The following IPCEF1 variants were observed in gnomAD, a reference collection of about 807,000 sequenced individuals.
IPCEF1 encodes interactor protein for cytohesin exchange factors 1.
Under a neutral mutation model 50.9 loss-of-function variants are expected in IPCEF1, and 31 were observed. The observed-to-expected ratio is 0.61, with a 90% confidence interval of 0.46 to 0.82. The LOEUF is 0.82. IPCEF1 is among the 40% of genes least tolerant of loss of function. The probability of loss-of-function intolerance (pLI) is 0.00; values close to 1 mark genes in which losing one functional copy is unlikely to be tolerated. For synonymous variants in IPCEF1, 181 were observed against 192.0 expected (o/e 0.94, Z 0.47); for missense variants, 458 against 514.0 (o/e 0.89, Z 1.05).
At chr6:154,281,201 A>G (rs1782201913) in intron 2 of IPCEF1, among the ~76,000 whole-genome samples, 1 of 144,938 alleles carries the variant, frequency 6.9e-6, no homozygotes, top group African/African-American at 2.8e-5. Flanking sequence ...AAAAAAAAAA[A>G]AAAAAGCCAG....
Position 154,167,914 on chromosome 6 carries a change from T to G in IPCEF1, c.1104+6A>C, listed in dbSNP as rs1799568129. ...AGAGTTCATCCACAATTTGAAATTT[T>G]GTTACCTTTAATGTGCTATTCAATG... On this transcript the variant is annotated splice_donor_region_variant and intron_variant, in intron 11 of 11. Coordinates refer to ENST00000367220, the MANE Select transcript of IPCEF1 (RefSeq NM_001130700.2). 6.4e-7 allele frequency: 1 copy of G among 1,568,914 alleles called. No homozygotes were observed. Among genetic ancestry groups the G allele is most frequent in the Non-Finnish European group, 8.7e-7 (1 of 1,147,324 alleles).
chr6:154,161,230 T>G (rs1383064181), intron 11 of IPCEF1, among the ~76,000 whole-genome samples: 9 of 150,636 alleles, frequency 6.0e-5, no homozygotes, highest in Non-Finnish European at 1.2e-4. Flanking sequence ...TTTTTTTTTT[T>G]GAGACAGAGT....
At chr6:154,336,885 TG>T (rs1172119807) in intron 1 of IPCEF1, among the ~76,000 whole-genome samples, 1 of 152,188 alleles carries the variant, frequency 6.6e-6, no homozygotes, top group Non-Finnish European at 1.5e-5. Context: ...ACTACAGGCG[TG>T]ATCAATCATG....
chr6:154,293,269 T>A (rs1057100320), intron 1 of IPCEF1, among the ~76,000 whole-genome samples: 1 of 152,202 alleles, frequency 6.6e-6, no homozygotes, highest in Non-Finnish European at 1.5e-5. Context: ...TTTAGAGTGA[T>A]ACTGAAATCT....
At chr6:154,193,234 T>C (rs946049766) in intron 10 of IPCEF1, among the ~76,000 whole-genome samples, 2 of 152,170 alleles carry the variant, frequency 1.3e-5, no homozygotes, top group African/African-American at 4.8e-5. Flanking sequence ...TGGATGGAAT[T>C]GGAGGCCATT....
At chr6:154,184,549 A>G (rs12203560) in intron 10 of IPCEF1, among the ~76,000 whole-genome samples, 11,975 of 152,116 alleles carry the variant, frequency 0.079, 977 homozygotes, top group East Asian at 0.42. Context: ...ATGTATATAT[A>G]TATATGCGCA....
chr6:154,311,230 C>G (rs1311104495), intron 1 of IPCEF1, among the ~76,000 whole-genome samples: 1 of 152,214 alleles, frequency 6.6e-6, no homozygotes, highest in East Asian at 1.9e-4. Flanking sequence ...TTCAATCTCT[C>G]TCTTACTAAC....
chr6:154,188,417 G>A (rs867146584), intron 10 of IPCEF1, among the ~76,000 whole-genome samples: 3 of 152,174 alleles, frequency 2.0e-5, no homozygotes, highest in African/African-American at 4.8e-5. Flanking sequence ...AGACCATAAC[G>A]ATTTCTGTTT....
chr6:154,270,211 T>A (rs1458017273), intron 2 of IPCEF1, among the ~76,000 whole-genome samples: 2 of 152,246 alleles, frequency 1.3e-5, no homozygotes, highest in Non-Finnish European at 2.9e-5. Context: ...GGTTTCCAGT[T>A]CTTTGCTTTC....
chr6:154,206,863 G>C (rs1030009644), intron 9 of IPCEF1, among the ~76,000 whole-genome samples: 1 of 152,234 alleles, frequency 6.6e-6, no homozygotes, highest in African/African-American at 2.4e-5. Flanking sequence ...CCGTTTGTTG[G>C]GCTGACGATA....
chr6:154,279,200 A>G (rs1782146610), intron 2 of IPCEF1, among the ~76,000 whole-genome samples: 1 of 152,164 alleles, frequency 6.6e-6, no homozygotes, highest in African/African-American at 2.4e-5. Context: ...CAACATTTCT[A>G]CCAGCCACCA....
At chr6:154,253,313 C>T (rs935101633) in intron 3 of IPCEF1, among the ~76,000 whole-genome samples, 2 of 152,210 alleles carry the variant, frequency 1.3e-5, no homozygotes, top group Non-Finnish European at 2.9e-5. Flanking sequence ...GCTGGGATTA[C>T]AGGCACGAGC....
intron 11 of IPCEF1, among the ~76,000 whole-genome samples, chr6:154,162,782 CCTTACTT>C (rs1320200834): frequency 2.2e-4 from 34 of 152,284 alleles, no homozygotes; most frequent in Non-Finnish European, 3.4e-4. Context: ...TTATATCTCT[CCTTACTT>C]CTTCCCTGGA....
At chr6:154,253,795 G>C (rs1366014905) in intron 3 of IPCEF1, among the ~76,000 whole-genome samples, 1 of 152,018 alleles carries the variant, frequency 6.6e-6, no homozygotes, top group Non-Finnish European at 1.5e-5. Flanking sequence ...TCCTATCTCA[G>C]AGTTTCAGAA....
chr6:154,285,403 T>A (rs1782335198), intron 2 of IPCEF1, among the ~76,000 whole-genome samples: 1 of 152,234 alleles, frequency 6.6e-6, no homozygotes, highest in Non-Finnish European at 1.5e-5. Context: ...TCAAAAGATT[T>A]AGAGATTTTC....
At chr6:154,323,890 T>C (rs890824260) in intron 1 of IPCEF1, among the ~76,000 whole-genome samples, 1 of 152,100 alleles carries the variant, frequency 6.6e-6, no homozygotes, top group Non-Finnish European at 1.5e-5. Context: ...GAGGCAGAGG[T>C]TGCAGTGAGC....
chr6:154,203,635 G>T (rs562253925), intron 9 of IPCEF1, among the ~76,000 whole-genome samples: 41 of 152,196 alleles, frequency 2.7e-4, no homozygotes, highest in African/African-American at 9.2e-4. Context: ...GGTCTCCATG[G>T]GGTTCCTGGA....
At chr6:154,254,688 C>T (rs756885569) in intron 3 of IPCEF1, among the ~76,000 whole-genome samples, 3 of 152,140 alleles carry the variant, frequency 2.0e-5, no homozygotes, top group Non-Finnish European at 4.4e-5. Flanking sequence ...GGAATTACAA[C>T]TTTGTTAGCA....
At chr6:154,198,752 A>G (rs1256766632) in intron 10 of IPCEF1, among the ~76,000 whole-genome samples, 2 of 152,166 alleles carry the variant, frequency 1.3e-5, no homozygotes, top group Non-Finnish European at 2.9e-5. Context: ...TTGAGAACTT[A>G]AAGAAACATT....
Sources: allele counts gnomAD v4.1 joint callset (sites outside exome capture counted in the v4.1 genomes callset), GRCh38; gene constraint gnomAD v4.1.1; transcripts MANE v1.5; gene names NCBI Gene and HGNC (gene_info 2026-07-23, HGNC 2026-07-21).